GBE1: variants seen among roughly 807,000 people sequenced by gnomAD.
GBE1 encodes 1,4-alpha-glucan branching enzyme 1.
A neutral mutation model predicts 88.8 loss-of-function variants in GBE1; 70 were observed. The ratio of observed to expected loss-of-function variants is 0.79; its 90% CI spans 0.65 to 0.96. The LOEUF is 0.96. Among genes scored for constraint, GBE1 ranks in the 40% least tolerant of loss-of-function variants. The probability of loss-of-function intolerance (pLI) is 0.00; values close to 1 mark genes in which losing one functional copy is unlikely to be tolerated. For synonymous variants in GBE1, 284 were observed against 300.1 expected (o/e 0.95, Z 0.56); for missense variants, 872 against 871.0 (o/e 1.00, Z -0.01).
chr3:81,556,749 T>A (rs2106903514), intron 12 of GBE1, among the ~76,000 whole-genome samples: 1 of 152,186 alleles, frequency 6.6e-6, no homozygotes, highest in African/African-American at 2.4e-5. Flanking sequence ...TTTCTAATAA[T>A]TCTCTGAATA....
chr3:81,737,917 A>C (rs911759543), intron 1 of GBE1, among the ~76,000 whole-genome samples: 3 of 151,572 alleles, frequency 2.0e-5, no homozygotes, highest in African/African-American at 7.3e-5. Context: ...CCCACCCCAA[A>C]ACAGTCCCCA....
chr3:81,665,259 C>T (rs981006618), intron 3 of GBE1, among the ~76,000 whole-genome samples: 4 of 151,998 alleles, frequency 2.6e-5, no homozygotes, highest in African/African-American at 9.7e-5. Flanking sequence ...GTTGGCCGGG[C>T]GTGGTGGCTC....
intron 14 of GBE1, among the ~76,000 whole-genome samples, chr3:81,515,101 C>A (rs1288085126): frequency 6.6e-6 from 1 of 151,436 alleles, no homozygotes; most frequent in Non-Finnish European, 1.5e-5. Context: ...ACTACTGCAC[C>A]AGCATAGCTC....
chr3:81,708,135 T>G (rs977648324), intron 1 of GBE1, among the ~76,000 whole-genome samples: 1 of 151,978 alleles, frequency 6.6e-6, no homozygotes, highest in African/African-American at 2.4e-5. Flanking sequence ...TTTATAAAAT[T>G]TGAGGAACTG....
intron 1 of GBE1, among the ~76,000 whole-genome samples, chr3:81,722,167 T>C (rs1410458017): frequency 6.6e-6 from 1 of 152,166 alleles, no homozygotes; most frequent in African/African-American, 2.4e-5. Flanking sequence ...GTATAATATT[T>C]TCAAATTATT....
At chr3:81,580,651 C>G (rs995845440) in intron 11 of GBE1, among the ~76,000 whole-genome samples, 1 of 152,036 alleles carries the variant, frequency 6.6e-6, no homozygotes, top group African/African-American at 2.4e-5. Flanking sequence ...ACAAGACGAG[C>G]TTTCCTCTTT....
At chr3:81,692,400 G>A (rs1321796105) in intron 2 of GBE1, among the ~76,000 whole-genome samples, 1 of 152,118 alleles carries the variant, frequency 6.6e-6, no homozygotes, top group East Asian at 1.9e-4. Flanking sequence ...AACTTTAGAA[G>A]AACAATGTCC....
intron 2 of GBE1, among the ~76,000 whole-genome samples, chr3:81,686,168 T>C (rs115066985): frequency 0.015 from 2,308 of 152,252 alleles, 76 homozygotes; most frequent in African/African-American, 0.053. Context: ...TGTTTGGTTA[T>C]TAGGGGTGGC....
intron 1 of GBE1, among the ~76,000 whole-genome samples, chr3:81,722,217 C>T (rs1468086740): frequency 6.6e-6 from 1 of 152,086 alleles, no homozygotes; most frequent in African/African-American, 2.4e-5. Context: ...ATGTATGTGA[C>T]ATTCATACAT....
rs774593410 is a variant in GBE1, at chr3:81,548,893, A to C, written c.1619-11798T>G. ...TTGCTGATCATTTGCTTTGTTTTTC[A>C]GAGTCAAGGTAACTTCTTTTAACCT... On this transcript the variant is annotated intron_variant, in intron 12 of 15. Coordinates refer to ENST00000429644, the MANE Select transcript of GBE1 (RefSeq NM_000158.4). Among the ~76,000 whole-genome samples, 33 of 151,298 alleles carry C rather than the reference A, an allele frequency of 2.2e-4. 3 individuals carry two copies. The highest frequency in any genetic ancestry group is 4.0e-4 in the Non-Finnish European group (27 of 67,608).
chr3:81,595,757 C>T (rs1178097196), intron 7 of GBE1, among the ~76,000 whole-genome samples: 1 of 151,872 alleles, frequency 6.6e-6, no homozygotes, highest in Non-Finnish European at 1.5e-5. Context: ...AATATTTAAT[C>T]TATTCTACTC....
At chr3:81,612,403 A>G in intron 7 of GBE1, 1 of 848,806 alleles carries the variant, frequency 1.2e-6, no homozygotes, top group Non-Finnish European at 1.9e-6. Context: ...CTTTGGGAAT[A>G]ATTTTATTTT....
At chr3:81,526,457 T>C (rs1035083237) in intron 14 of GBE1, among the ~76,000 whole-genome samples, 83 of 152,180 alleles carry the variant, frequency 5.5e-4, no homozygotes, top group East Asian at 5.8e-4. Context: ...GACATGATTG[T>C]ATATCTAGAA....
chr3:81,630,906 A>G (rs1277429576), intron 7 of GBE1, among the ~76,000 whole-genome samples: 1 of 152,202 alleles, frequency 6.6e-6, no homozygotes, highest in Non-Finnish European at 1.5e-5. Flanking sequence ...TAAGAAATAT[A>G]TAAGATGTTC....
intron 1 of GBE1, among the ~76,000 whole-genome samples, chr3:81,738,075 C>T (rs1332337291): frequency 2.6e-5 from 4 of 151,760 alleles, no homozygotes; most frequent in African/African-American, 9.7e-5. Flanking sequence ...CTACAAAGGA[C>T]ATGAACTCAT....
intron 1 of GBE1, among the ~76,000 whole-genome samples, chr3:81,738,790 GTAT>G (rs1706309814): frequency 6.6e-6 from 1 of 152,090 alleles, no homozygotes; most frequent in Admixed American, 6.6e-5. Context: ...GATAAAGCTG[GTAT>G]TATTATCCTC....
At chr3:81,684,878 C>T (rs1198903674) in intron 2 of GBE1, among the ~76,000 whole-genome samples, 1 of 152,162 alleles carries the variant, frequency 6.6e-6, no homozygotes, top group Non-Finnish European at 1.5e-5. Context: ...ATCCCCTCAA[C>T]CACACTGCTG....
At chr3:81,568,849 T>A (rs1703533550) in intron 12 of GBE1, among the ~76,000 whole-genome samples, 1 of 152,118 alleles carries the variant, frequency 6.6e-6, no homozygotes, top group Non-Finnish European at 1.5e-5. Flanking sequence ...TGTATATATA[T>A]ACATATATAA....
chr3:81,578,529 G>A (rs1052848523), intron 11 of GBE1, among the ~76,000 whole-genome samples: 2 of 150,594 alleles, frequency 1.3e-5, no homozygotes, highest in Non-Finnish European at 3.0e-5. Flanking sequence ...ATATTATTTT[G>A]CTCATATATA....
Sources: gnomAD v4.1 joint callset for allele counts (sites outside exome capture counted in the v4.1 genomes callset) on GRCh38, gnomAD v4.1.1 for gene constraint, MANE v1.5 for transcripts, NCBI Gene and HGNC (gene_info 2026-07-23, HGNC 2026-07-21) for gene names.